LNX1: variants seen among roughly 807,000 people sequenced by gnomAD.
LNX1 encodes ligand of numb-protein X 1, also known as E3 ubiquitin-protein ligase LNX.
A neutral mutation model predicts 68.4 loss-of-function variants in LNX1; 54 were observed. The ratio of observed to expected loss-of-function variants is 0.79; its 90% CI spans 0.63 to 0.99. The LOEUF (loss-of-function observed/expected upper bound fraction) is 0.99, where lower values mean the gene tolerates loss of function less well. Ranked by LOEUF, LNX1 falls within the 50% of genes least tolerant of loss-of-function variation. The pLI is 0.00. For synonymous variants in LNX1, 336 were observed against 350.0 expected (o/e 0.96, Z 0.45); for missense variants, 906 against 926.4 (o/e 0.98, Z 0.29).
chr4:53,473,529 T>C (rs1723374105), intron 9 of LNX1, among the ~76,000 whole-genome samples: 1 of 152,186 alleles, frequency 6.6e-6, no homozygotes, highest in Admixed American at 6.5e-5. Context: ...GAGGACATTA[T>C]CCTTAGCAAA....
At chr4:53,606,482 CAAACA>C (rs1284083416) in intron 2 of LNX1, among the ~76,000 whole-genome samples, 2 of 68,200 alleles carry the variant, frequency 2.9e-5, no homozygotes, top group Non-Finnish European at 6.3e-5. Context: ...AAACAAAAAA[CAAACA>C]AAAAAAAAAC....
At chr4:53,573,564 A>T in intron 2 of LNX1, 59 bp downstream of exon 2, 1 of 1,193,546 alleles carries the variant, frequency 8.4e-7, no homozygotes, top group Non-Finnish European at 1.2e-6. Flanking sequence ...TGGGGGGTGG[A>T]GGGGTCCAGC....
chr4:53,480,075 A>C (rs1204902632), intron 7 of LNX1, among the ~76,000 whole-genome samples: 1 of 152,196 alleles, frequency 6.6e-6, no homozygotes, highest in Non-Finnish European at 1.5e-5. Flanking sequence ...ATTTCTTTGA[A>C]TTGTTTAAGC....
chr4:53,488,284 C>T (rs1301352410), intron 6 of LNX1, among the ~76,000 whole-genome samples: 2 of 152,202 alleles, frequency 1.3e-5, no homozygotes, highest in Non-Finnish European at 2.9e-5. Context: ...CTATTGCCTG[C>T]CTATTGGTCT....
chr4:53,564,821 G>T (rs1287226122), intron 2 of LNX1, among the ~76,000 whole-genome samples: 1 of 152,226 alleles, frequency 6.6e-6, no homozygotes, highest in Non-Finnish European at 1.5e-5. Context: ...GCGAGGCATT[G>T]CCTCACTTGG....
chr4:53,493,051 C>A (rs1724814072), intron 6 of LNX1, among the ~76,000 whole-genome samples: 1 of 152,106 alleles, frequency 6.6e-6, no homozygotes, highest in Middle Eastern at 3.2e-3. Flanking sequence ...CTCACTGAAA[C>A]CTCCGCCTCC....
At chr4:53,478,453 G>A (rs537578596) in intron 8 of LNX1, 112 bp downstream of exon 8, 1 of 927,820 alleles carries the variant, frequency 1.1e-6, no homozygotes, top group Admixed American at 2.7e-5. Flanking sequence ...AAAAGTCCTG[G>A]CCGATCACTC....
chr4:53,566,485 G>C (rs1730701663), intron 2 of LNX1, among the ~76,000 whole-genome samples: 1 of 151,104 alleles, frequency 6.6e-6, no homozygotes, highest in South Asian at 2.1e-4. Flanking sequence ...CCCTAAAAGA[G>C]CTCCTGAAGG....
intron 1 of LNX1, among the ~76,000 whole-genome samples, chr4:53,645,687 G>A (rs1483885352): frequency 1.3e-5 from 2 of 152,084 alleles, no homozygotes; most frequent in Non-Finnish European, 2.9e-5. Flanking sequence ...CAGGAACAAG[G>A]GGTCTACACT....
Position 53,459,499 on chromosome 4 carries a change from A to T in LNX1, c.*1408T>A, listed in dbSNP as rs1194975114. 1 of 1,609,068 alleles carries T rather than the reference A, an allele frequency of 6.2e-7. No individual in the cohort carries two copies. Among genetic ancestry groups the T allele is most frequent in the Admixed American group, 1.7e-5 (1 of 59,622 alleles). On this transcript the variant is annotated 3_prime_UTR_variant, in exon 11 of 11. Transcript: ENST00000263925. ...ATTAGTACCAGAAGTAGATACTATA[A>T]ATCTTGTTATTTTTCTGGATAATGT...
intron 2 of LNX1, chr4:53,523,274 A>G (rs563208257): frequency 2.0e-5 from 3 of 151,948 alleles, no homozygotes; most frequent in South Asian, 2.1e-4. Flanking sequence ...AAGCTGTACA[A>G]TTTTTTTTGT....
chr4:53,465,435 A>G (rs1055415618), intron 9 of LNX1, among the ~76,000 whole-genome samples: 23 of 152,198 alleles, frequency 1.5e-4, no homozygotes, highest in African/African-American at 5.5e-4. Context: ...CACTAAACAC[A>G]TTATTTAGTT....
At chr4:53,510,273 G>T (rs1179170745) in intron 2 of LNX1, among the ~76,000 whole-genome samples, 1 of 152,218 alleles carries the variant, frequency 6.6e-6, no homozygotes, top group East Asian at 1.9e-4. Flanking sequence ...TATCTTTGGT[G>T]TTTGGGGATT....
intron 1 of LNX1, among the ~76,000 whole-genome samples, chr4:53,637,515 A>G (rs1734526056): frequency 6.6e-6 from 1 of 152,146 alleles, no homozygotes; most frequent in African/African-American, 2.4e-5. Flanking sequence ...GTCATTTCAC[A>G]TGTTATTTAC....
At chr4:53,618,260 T>C (rs1469742191), upstream of LNX1, among the ~76,000 whole-genome samples, 1 of 152,192 alleles carries the variant, frequency 6.6e-6, no homozygotes, top group Admixed American at 6.6e-5. Flanking sequence ...AGGTTAAGAA[T>C]GTTATGATGC....
intron 4 of LNX1, chr4:53,500,042 A>C (rs4864764): frequency 0.98 from 148,847 of 152,238 alleles, 72,857 homozygotes; most frequent in Middle Eastern, 1. Flanking sequence ...ATAGTCAAAC[A>C]CTACAAGTGA....
At chr4:53,536,482 C>G (rs1284724164) in intron 2 of LNX1, among the ~76,000 whole-genome samples, 1 of 152,194 alleles carries the variant, frequency 6.6e-6, no homozygotes, top group African/African-American at 2.4e-5. Context: ...AAAGTTTCCT[C>G]TTCCTCCCCA....
upstream of LNX1, among the ~76,000 whole-genome samples, chr4:53,618,803 C>T (rs1441763368): frequency 6.6e-6 from 1 of 152,072 alleles, no homozygotes; most frequent in African/African-American, 2.4e-5. Flanking sequence ...ACTGTCATTT[C>T]AATATTAAAC....
chr4:53,461,882 A>G (rs184145509), intron 9 of LNX1, among the ~76,000 whole-genome samples: 21 of 152,236 alleles, frequency 1.4e-4, no homozygotes, highest in Admixed American at 8.5e-4. Context: ...ACTTAAGACA[A>G]TGCTTGAATA....
Sources: allele counts gnomAD v4.1 joint callset (sites outside exome capture counted in the v4.1 genomes callset), GRCh38; gene constraint gnomAD v4.1.1; transcripts MANE v1.5; gene names NCBI Gene and HGNC (gene_info 2026-07-23, HGNC 2026-07-21).